Variants in OSR1 observed in about 807,000 individuals in gnomAD.
OSR1 encodes protein odd-skipped-related 1.
A neutral mutation model predicts 15.7 loss-of-function variants in OSR1; 3 were observed. The ratio of observed to expected loss-of-function variants is 0.19; its 90% confidence interval spans 0.09 to 0.50. OSR1 has a LOEUF of 0.50. Ranked by LOEUF, OSR1 falls within the 20% of genes least tolerant of loss-of-function variation. The pLI, the probability that OSR1 is intolerant of heterozygous loss-of-function variation, is 0.97. For synonymous variants in OSR1, 166 were observed against 152.7 expected, an observed-to-expected ratio of 1.09 and a Z score of -0.64; for missense variants, 271 against 351.1, an observed-to-expected ratio of 0.77 and a Z score of 1.82.
the OSR1 span, among the ~76,000 whole-genome samples, chr2:19,344,922 T>G: frequency 6.6e-6 from 1 of 152,138 alleles, no homozygotes; most frequent in Non-Finnish European, 1.5e-5. Context: ...AAAAGGGGCA[T>G]TAAAACAGTT....
downstream of OSR1, among the ~76,000 whole-genome samples, chr2:19,350,698 G>T (rs1409817883): frequency 1.3e-5 from 2 of 152,130 alleles, no homozygotes; most frequent in African/African-American, 2.4e-5. Flanking sequence ...AGCCCCGGCG[G>T]CCTGGCTTCT....
downstream of OSR1, among the ~76,000 whole-genome samples, chr2:19,350,822 C>T (rs954350922): frequency 2.0e-5 from 3 of 152,208 alleles, no homozygotes; most frequent in African/African-American, 4.8e-5. Context: ...CCATTCCTGA[C>T]AAGGCTTTAA....
At chr2:19,347,376 CA>C (rs1183012786), downstream of OSR1, among the ~76,000 whole-genome samples, 15 of 152,168 alleles carry the variant, frequency 9.9e-5, no homozygotes, top group African/African-American at 3.4e-4. Flanking sequence ...GCCCTACCCC[CA>C]TTATAGGAAG....
At chr2:19,345,937 C>T in the OSR1 span, among the ~76,000 whole-genome samples, 25,236 of 152,176 alleles carry the variant, frequency 0.17, 2,615 homozygotes, top group East Asian at 0.48. Flanking sequence ...TCATTTTCCC[C>T]CTCTGGTTGT....
At chr2:19,347,712 G>C (rs1474406321), downstream of OSR1, among the ~76,000 whole-genome samples, 1 of 152,218 alleles carries the variant, frequency 6.6e-6, no homozygotes, top group African/African-American at 2.4e-5. Flanking sequence ...CTGCCCAAAA[G>C]AGCTGGGACC....
intron 2 of OSR1, 76 bp downstream of exon 2, chr2:19,353,065 C>T (rs1664871346): frequency 6.5e-7 from 1 of 1,541,566 alleles, no homozygotes; most frequent in South Asian, 1.2e-5. Flanking sequence ...TAGGGGGTCT[C>T]AAGAACCTCG....
rs1462300230 is a variant in OSR1 at position 19,351,516 on chromosome 2, A to T, written c.*759T>A. ...TAAAATAACCGTTTATTTAATAGTT[A>T]AAAAAAAAAAAAACTCCAGTGATAA... On this transcript the variant is annotated 3_prime_UTR_variant, in exon 3 of 3. Coordinates refer to ENST00000272223, the MANE Select transcript of OSR1 (RefSeq NM_145260.3). The T allele has an allele frequency of 6.9e-5, 3 of 43,396 alleles. No homozygotes were observed. Among genetic ancestry groups the T allele is most frequent in the African/African-American group, 9.1e-5 (1 of 10,950 alleles). 2.7% of individuals were successfully genotyped at this position (43,396 alleles called of 1,614,324 possible). A position where few individuals can be genotyped will look rare whatever the true frequency, so the allele number is the denominator to read the frequency against.
downstream of OSR1, among the ~76,000 whole-genome samples, chr2:19,347,111 T>A (rs755186895): frequency 6.6e-6 from 1 of 152,210 alleles, no homozygotes; most frequent in Non-Finnish European, 1.5e-5. Context: ...TCTCATTTCA[T>A]TTCAGGATGC....
At chr2:19,356,914 C>G (rs533381575) in intron 1 of OSR1, 1 of 152,256 alleles carries the variant, frequency 6.6e-6, no homozygotes, top group Non-Finnish European at 1.5e-5. Context: ...AAGTTAACTG[C>G]TTGCATTAAT....
chr2:19,350,526 G>A (rs976935297), downstream of OSR1, among the ~76,000 whole-genome samples: 3 of 152,188 alleles, frequency 2.0e-5, no homozygotes, highest in Admixed American at 2.0e-4. Flanking sequence ...CCTGCAGCAG[G>A]GAAGCTTATA....
chr2:19,346,058 T>C, the OSR1 span, among the ~76,000 whole-genome samples: 2 of 152,206 alleles, frequency 1.3e-5, no homozygotes, highest in Non-Finnish European at 2.9e-5. Context: ...ATCCAAGTGG[T>C]ACCCACTCCT....
rs1194432765 is a variant in OSR1, at chr2:19,351,804, G to A, written c.*471C>T. The A allele has an allele frequency of 6.5e-6, 1 of 153,112 alleles. No homozygotes were observed. The highest frequency in any genetic ancestry group is 1.5e-5 in the Non-Finnish European group (1 of 68,650). 9.5% of individuals were successfully genotyped at this position (153,112 alleles called of 1,614,324 possible). A position where few individuals can be genotyped will look rare whatever the true frequency, so the allele number is the denominator to read the frequency against. ...TACACTTTTGCAGGCTCCGGGGGTGGGGGCAGGGGCGGGAGGAGGAGGTGG... is the reference window on the plus strand; with the variant it reads ...TACACTTTTGCAGGCTCCGGGGGTGAGGGCAGGGGCGGGAGGAGGAGGTGG... On this transcript the variant is annotated 3_prime_UTR_variant, in exon 3 of 3. Coordinates refer to ENST00000272223, the MANE Select transcript of OSR1 (RefSeq NM_145260.3).
the OSR1 span, among the ~76,000 whole-genome samples, chr2:19,345,148 G>A: frequency 1.3e-5 from 2 of 152,128 alleles, no homozygotes; most frequent in South Asian, 2.1e-4. Context: ...ACACTAAAGT[G>A]TCAGTTAGGA....
Position 19,353,343 on chromosome 2 carries a change from T to G in OSR1, c.463A>C (p.Lys155Gln), listed in dbSNP as rs142934357. ...GTGGGCTTCTTTTCTGGAGACAGCT[T>G]GGTCACGTCGAGGAGGGCACCCAGC... Reference protein sequence around the residue: ...GGLGALLDVTKLSPEKKPTRG... With the variant: ...GGLGALLDVTQLSPEKKPTRG... The change falls in exon 2 of 3, where the codon AAG becomes CAG. Residue 155 changes from lysine (K) to glutamine (Q), a missense_variant. By Grantham distance (53) the Lys-to-Gln change is moderately conservative. This residue lies in a region of OSR1 where 210 missense variants were observed against 218.4 expected (regional missense o/e 0.96). Coordinates refer to ENST00000272223, the MANE Select transcript of OSR1 (RefSeq NM_145260.3). 839 of 1,614,240 alleles carry G rather than the reference T, an allele frequency of 5.2e-4. 3 individuals are homozygous for G. In the African/African-American group the frequency reaches 0.01, roughly 20 times the overall value.
At chr2:19,348,126 A>G (rs964452999), downstream of OSR1, among the ~76,000 whole-genome samples, 7 of 151,748 alleles carry the variant, frequency 4.6e-5, no homozygotes, top group African/African-American at 1.7e-4. Flanking sequence ...AGTGGGTGGG[A>G]TGAGTACGCC....
At position 19,353,508 on chromosome 2, in the gene OSR1, G is replaced by A. The variant is rs1413066323; in HGVS notation, c.298C>T (p.Pro100Ser). 1 of 1,614,078 alleles carries A rather than the reference G, an allele frequency of 6.2e-7. No individual in the cohort carries two copies. The highest frequency in any genetic ancestry group is 8.5e-7 in the Non-Finnish European group (1 of 1,180,030). ...PWFPHVIQPKPEITAGGSVPA... is the reference protein window; with the variant it reads ...PWFPHVIQPKSEITAGGSVPA... Reference sequence around the variant, plus strand: ...ACGCTGCCTCCAGCGGTGATCTCGGGCTTGGGTTGAATGACATGAGGGAAC... The same window carrying A: ...ACGCTGCCTCCAGCGGTGATCTCGGACTTGGGTTGAATGACATGAGGGAAC... The change falls in exon 2 of 3, where the codon CCC becomes TCC. Residue 100 changes from proline (P) to serine (S), a missense_variant. Pro to Ser is a moderately conservative substitution (Grantham distance 74, BLOSUM62 -1). Transcript: ENST00000272223.
rs1664855831 is a variant in OSR1 at position 19,352,222 on chromosome 2, C to T, written c.*53G>A. The T allele has an allele frequency of 6.9e-6, 11 of 1,598,008 alleles. No homozygotes were observed. In the African/African-American group the frequency reaches 8.1e-5, roughly 12 times the overall value. ...CCCGCCAGAGTCAGGCTTCTGGTCCCTATGGAGGAGAGGGCCGCTGGGCCT... is the reference window on the plus strand; with the variant it reads ...CCCGCCAGAGTCAGGCTTCTGGTCCTTATGGAGGAGAGGGCCGCTGGGCCT... On this transcript the variant is annotated 3_prime_UTR_variant, in exon 3 of 3. Transcript: ENST00000272223.
At chr2:19,356,502 T>G in intron 1 of OSR1, 1 of 152,220 alleles carries the variant, frequency 6.6e-6, no homozygotes, top group East Asian at 1.9e-4. Flanking sequence ...CGATCCGGTT[T>G]CAGGAGGTCG....
intron 1 of OSR1, 157 bp from the exon 2 acceptor site, chr2:19,353,994 C>G: frequency 1.6e-6 from 1 of 638,236 alleles, no homozygotes; most frequent in Non-Finnish European, 2.7e-6. Context: ...ACTGCCCTCA[C>G]AAAGAGGGTG....
Sources: allele counts gnomAD v4.1 joint callset (sites outside exome capture counted in the v4.1 genomes callset), GRCh38; gene constraint gnomAD v4.1.1; regional missense constraint gnomAD v4.1.1; transcripts MANE v1.5; gene names NCBI Gene and HGNC (gene_info 2026-07-23, HGNC 2026-07-21).